BTBD7: variants seen among roughly 807,000 people sequenced by gnomAD.
BTBD7 encodes BTB/POZ domain-containing protein 7.
BTBD7 carries 38 observed loss-of-function variants against 99.9 expected under a neutral mutation model. That is an observed-to-expected ratio of 0.38 (90% CI 0.29 to 0.50). BTBD7 has a LOEUF of 0.50. Among genes scored for constraint, BTBD7 ranks in the 20% least tolerant of loss-of-function variants. The pLI, the probability that BTBD7 is intolerant of heterozygous loss-of-function variation, is 0.93. For synonymous variants in BTBD7, 520 were observed against 511.4 expected (o/e 1.02, Z -0.23); for missense variants, 1,170 against 1,394.6 (o/e 0.84, Z 2.57).
intron 1 of BTBD7, among the ~76,000 whole-genome samples, chr14:93,327,993 A>G (rs1595346936): frequency 6.6e-6 from 1 of 152,234 alleles, no homozygotes; most frequent in African/African-American, 2.4e-5. Flanking sequence ...GAACAATCCA[A>G]AAGAGAAATT....
At chr14:93,322,097 T>TA (rs200420236) in intron 1 of BTBD7, among the ~76,000 whole-genome samples, 2,054 of 152,256 alleles carry the variant, frequency 0.013, 43 homozygotes, top group Non-Finnish European at 0.02. Flanking sequence ...TGTTGTTTTT[T>TA]AAAAAAATAT....
At chr14:93,317,762 T>G (rs1248380042) in intron 1 of BTBD7, among the ~76,000 whole-genome samples, 2 of 152,154 alleles carry the variant, frequency 1.3e-5, no homozygotes, top group African/African-American at 4.8e-5. Context: ...ATAAGGGTGA[T>G]TTACTATGCC....
chr14:93,301,307 TCAGCC>T (rs2053002176), intron 1 of BTBD7, among the ~76,000 whole-genome samples: 2 of 151,990 alleles, frequency 1.3e-5, no homozygotes, highest in Non-Finnish European at 2.9e-5. Context: ...TTCTCCTGCC[TCAGCC>T]TCCTGAGTAG....
intron 1 of BTBD7, among the ~76,000 whole-genome samples, chr14:93,299,570 C>T (rs2052968481): frequency 6.6e-6 from 1 of 151,230 alleles, no homozygotes; most frequent in African/African-American, 2.4e-5. Context: ...TTCTGGGGGA[C>T]TCCCTCTTAA....
Position 93,242,254 on chromosome 14 carries a change from G to C in BTBD7, c.*19C>G, listed in dbSNP as rs746372340. The C allele has an allele frequency of 6.2e-7, 1 of 1,605,084 alleles. No homozygotes were observed. Among genetic ancestry groups the C allele is most frequent in the South Asian group, 1.1e-5 (1 of 90,568 alleles). On this transcript the variant is annotated 3_prime_UTR_variant, in exon 11 of 11. Transcript: ENST00000334746. Reference sequence around the variant, plus strand: ...TGGGATGTTTCACATCTCAGGCACAGACGACTTGGAGGTTGCTCTCAGAGG... The same window carrying C: ...TGGGATGTTTCACATCTCAGGCACACACGACTTGGAGGTTGCTCTCAGAGG...
At chr14:93,328,879 T>G (rs1009303716) in intron 1 of BTBD7, among the ~76,000 whole-genome samples, 2 of 152,278 alleles carry the variant, frequency 1.3e-5, no homozygotes, top group East Asian at 3.9e-4. Flanking sequence ...ATCACACTAG[T>G]GTACTCCAGC....
At chr14:93,325,984 G>C (rs922164383) in intron 1 of BTBD7, among the ~76,000 whole-genome samples, 18 of 151,898 alleles carry the variant, frequency 1.2e-4, no homozygotes, top group African/African-American at 3.9e-4. Flanking sequence ...AATAGTAAGG[G>C]TATCTGAAAG....
chr14:93,276,395 C>T (rs938091758), intron 3 of BTBD7, among the ~76,000 whole-genome samples: 14 of 152,058 alleles, frequency 9.2e-5, no homozygotes, highest in East Asian at 3.9e-4. Context: ...ACACTGGTTG[C>T]CTCTGTCAAG....
chr14:93,321,791 T>C (rs923613940), intron 1 of BTBD7, among the ~76,000 whole-genome samples: 1 of 152,138 alleles, frequency 6.6e-6, no homozygotes, highest in Non-Finnish European at 1.5e-5. Flanking sequence ...TTGTGGCTGA[T>C]AATACAACTG....
chr14:93,247,464 C>T (rs1055244319), intron 9 of BTBD7, among the ~76,000 whole-genome samples: 2 of 152,186 alleles, frequency 1.3e-5, no homozygotes, highest in Non-Finnish European at 2.9e-5. Context: ...TCTCTTGCCT[C>T]AGCCTCCCGA....
chr14:93,321,806 T>TCTTAAAC (rs1412705128), intron 1 of BTBD7, among the ~76,000 whole-genome samples: 1 of 152,138 alleles, frequency 6.6e-6, no homozygotes, highest in African/African-American at 2.4e-5. Flanking sequence ...CAACTGTTTA[T>TCTTAAAC]CTTAAACGAT....
chr14:93,288,529 C>G, intron 3 of BTBD7: 1 of 781,082 alleles, frequency 1.3e-6, no homozygotes, highest in Non-Finnish European at 2.4e-6. Context: ...TTCTTCTGCT[C>G]CCTTCATTGT....
intron 1 of BTBD7, among the ~76,000 whole-genome samples, chr14:93,318,937 C>G (rs2053238741): frequency 6.6e-6 from 1 of 152,178 alleles, no homozygotes; most frequent in African/African-American, 2.4e-5. Context: ...GAGGTGCAAG[C>G]TAGATGCGGG....
chr14:93,326,975 A>T (rs1266723585), intron 1 of BTBD7, among the ~76,000 whole-genome samples: 1 of 151,980 alleles, frequency 6.6e-6, no homozygotes, highest in African/African-American at 2.4e-5. Context: ...AATAAAGCCT[A>T]GGCAACACTG....
chr14:93,239,021 C>G lies in BTBD7; in HGVS notation c.*3252G>C, dbSNP rs766125634. 1 of 152,208 alleles carries G rather than the reference C, an allele frequency of 6.6e-6. No homozygotes were observed. Among genetic ancestry groups the G allele is most frequent in the African/African-American group, 2.4e-5 (1 of 41,450 alleles). The allele number at this position is 152,208 out of a possible 1,614,324, so 9.4% of individuals were successfully genotyped here. On this transcript the variant is annotated 3_prime_UTR_variant, in exon 11 of 11. Transcript: ENST00000334746. ...CCTAACGGGTTATTGCGGTGTCAGG[C>G]TAGCTGAGGTCTAGTGACATGTTCC...
chr14:93,321,332 C>A (rs1454909540), intron 1 of BTBD7, among the ~76,000 whole-genome samples: 2 of 152,234 alleles, frequency 1.3e-5, no homozygotes, highest in East Asian at 3.8e-4. Context: ...GTGGCTCACA[C>A]CTATAATCCC....
At chr14:93,300,821 G>T (rs2139783024) in intron 1 of BTBD7, among the ~76,000 whole-genome samples, 1 of 141,390 alleles carries the variant, frequency 7.1e-6, no homozygotes, top group African/African-American at 2.7e-5. Context: ...TTGCCATGTT[G>T]CCCAAACTGG....
intron 7 of BTBD7, among the ~76,000 whole-genome samples, chr14:93,252,719 G>A (rs1236086246): frequency 6.6e-6 from 1 of 152,028 alleles, no homozygotes; most frequent in Non-Finnish European, 1.5e-5. Context: ...TATACTCATT[G>A]AGTATACACA....
chr14:93,258,436 G>T (rs2052454097), intron 5 of BTBD7, among the ~76,000 whole-genome samples: 1 of 151,588 alleles, frequency 6.6e-6, no homozygotes, highest in Admixed American at 6.6e-5. Context: ...AATCTTACAT[G>T]AAACCCCCAA....
Sources: gnomAD v4.1 joint callset for allele counts (sites outside exome capture counted in the v4.1 genomes callset) on GRCh38, gnomAD v4.1.1 for gene constraint, MANE v1.5 for transcripts, NCBI Gene and HGNC (gene_info 2026-07-23, HGNC 2026-07-21) for gene names.